RBM33: variants seen among roughly 807,000 people sequenced by gnomAD.
RBM33 encodes the protein RNA binding motif protein 33.
In RBM33, 28 loss-of-function variants were observed where a neutral mutation model predicts 132.6. The observed-to-expected ratio is 0.21, with a 90% CI of 0.16 to 0.29. The LOEUF (loss-of-function observed/expected upper bound fraction) is 0.29. RBM33 is among the 10% of genes least tolerant of loss of function. The probability of loss-of-function intolerance (pLI) is 1.00; values close to 1 mark genes in which losing one functional copy is unlikely to be tolerated. For missense variants in RBM33, 1,291 were observed against 1,518.5 expected (o/e 0.85, Z 2.49); for synonymous variants, 634 against 593.0 (o/e 1.07, Z -1.01).
chr7:155,648,467 T>C (rs146405194), intron 1 of RBM33, among the ~76,000 whole-genome samples: 1 of 152,322 alleles, frequency 6.6e-6, no homozygotes, highest in African/African-American at 2.4e-5. Flanking sequence ...TGAAGCATGG[T>C]GCAGAAGGTT....
chr7:155,749,708 G>A (rs750185450), intron 14 of RBM33, among the ~76,000 whole-genome samples: 8 of 152,206 alleles, frequency 5.3e-5, no homozygotes, highest in African/African-American at 1.7e-4. Flanking sequence ...TGAAAACGCA[G>A]CCTGGATGGT....
chr7:155,705,723 A>T (rs1450819144), intron 6 of RBM33, among the ~76,000 whole-genome samples: 1 of 152,262 alleles, frequency 6.6e-6, no homozygotes, highest in Non-Finnish European at 1.5e-5. Context: ...ATATGTGGCT[A>T]AATCATTTTC....
In RBM33 at chr7:155,719,533, G is replaced by A. The variant is rs185645211; in HGVS notation, c.1260+1090G>A. Among the ~76,000 whole-genome samples the A allele has an allele frequency of 1.8e-3, 271 of 152,208 alleles. 1 individual carries two copies. Among genetic ancestry groups the A allele is most frequent in the Middle Eastern group, 3.4e-3 (1 of 294 alleles). ...TGATTTCTTTATGTTTAGCTAATGT[G>A]TTTCTATAAGTTATTTACCAAGTTC... is the stretch of plus-strand genomic sequence containing the variant. On this transcript the variant is annotated intron_variant, in intron 9 of 17. Coordinates refer to ENST00000401878, the MANE Select transcript of RBM33 (RefSeq NM_053043.3).
chr7:155,770,474 C>T (rs779047612), intron 16 of RBM33, among the ~76,000 whole-genome samples: 1 of 152,176 alleles, frequency 6.6e-6, no homozygotes, highest in Admixed American at 6.5e-5. Flanking sequence ...GGAGTGCCTC[C>T]CCCACCCGCT....
intron 14 of RBM33, among the ~76,000 whole-genome samples, chr7:155,758,626 G>A (rs1029725697): frequency 6.6e-6 from 1 of 152,128 alleles, no homozygotes; most frequent in African/African-American, 2.4e-5. Flanking sequence ...GGGGACCCCT[G>A]CTGTATAAGG....
chr7:155,749,272 T>C (rs560629370), intron 14 of RBM33, among the ~76,000 whole-genome samples: 11 of 152,222 alleles, frequency 7.2e-5, no homozygotes, highest in Non-Finnish European at 1.2e-4. Context: ...AAATAAATTA[T>C]GTGATTTTTA....
chr7:155,759,870 T>C (rs1801977616), intron 14 of RBM33, among the ~76,000 whole-genome samples: 1 of 152,192 alleles, frequency 6.6e-6, no homozygotes, highest in Non-Finnish European at 1.5e-5. Context: ...GGCCAGAGCA[T>C]TCGTCTTGCT....
intron 1 of RBM33, among the ~76,000 whole-genome samples, chr7:155,657,356 G>A (rs149867041): frequency 6.6e-6 from 1 of 152,044 alleles, no homozygotes; most frequent in Non-Finnish European, 1.5e-5. Context: ...GAATTAGTGG[G>A]AACTTTAAAA....
At chr7:155,703,378 C>A (rs886066142) in intron 6 of RBM33, among the ~76,000 whole-genome samples, 8 of 152,026 alleles carry the variant, frequency 5.3e-5, no homozygotes, top group African/African-American at 1.7e-4. Context: ...GAGTATGAGA[C>A]CCTTAGAGGC....
chr7:155,756,790 C>T (rs1408713702), intron 14 of RBM33, among the ~76,000 whole-genome samples: 1 of 152,120 alleles, frequency 6.6e-6, no homozygotes, highest in Non-Finnish European at 1.5e-5. Flanking sequence ...TGGGCAGAAA[C>T]GTCACCAGCA....
chr7:155,733,405 T>A (rs190739342), intron 9 of RBM33, among the ~76,000 whole-genome samples: 93 of 90,094 alleles, frequency 1.0e-3, no homozygotes, highest in African/African-American at 4.6e-3. Context: ...AATATTGAAA[T>A]CCCTGATGTG....
At chr7:155,723,393 A>T (rs941935979) in intron 9 of RBM33, among the ~76,000 whole-genome samples, 5 of 152,208 alleles carry the variant, frequency 3.3e-5, no homozygotes, top group Non-Finnish European at 5.9e-5. Context: ...TAGCAGGCGA[A>T]TATAGTAGGA....
chr7:155,692,872 T>A (rs537968682), intron 5 of RBM33, among the ~76,000 whole-genome samples: 1 of 152,334 alleles, frequency 6.6e-6, no homozygotes, highest in South Asian at 2.1e-4. Context: ...AGTATTTGTT[T>A]GCAGCATTGA....
chr7:155,709,089 T>G (rs1800202282), intron 7 of RBM33, among the ~76,000 whole-genome samples: 1 of 152,154 alleles, frequency 6.6e-6, no homozygotes, highest in Non-Finnish European at 1.5e-5. Flanking sequence ...TACGAGATTT[T>G]GGATGTACTC....
At chr7:155,762,627 A>G (rs916748074) in intron 14 of RBM33, among the ~76,000 whole-genome samples, 5 of 152,082 alleles carry the variant, frequency 3.3e-5, no homozygotes, top group South Asian at 4.1e-4. Context: ...TCTTGCCCCA[A>G]TCCCATGTTC....
At chr7:155,657,301 CA>C (rs1311558980) in intron 1 of RBM33, among the ~76,000 whole-genome samples, 1 of 152,066 alleles carries the variant, frequency 6.6e-6, no homozygotes, top group Non-Finnish European at 1.5e-5. Flanking sequence ...CGCTGATGCA[CA>C]GTGTGAGATG....
chr7:155,693,920 G>A (rs1458252425), intron 5 of RBM33, among the ~76,000 whole-genome samples: 1 of 152,126 alleles, frequency 6.6e-6, no homozygotes, highest in East Asian at 1.9e-4. Flanking sequence ...TCCTCAGGGA[G>A]GAGTACCATT....
At chr7:155,651,516 G>A (rs1392051972) in intron 1 of RBM33, among the ~76,000 whole-genome samples, 2 of 142,476 alleles carry the variant, frequency 1.4e-5, no homozygotes, top group East Asian at 2.2e-4. Flanking sequence ...GGAGGTGGAG[G>A]TTGTAGTGAG....
intron 1 of RBM33, among the ~76,000 whole-genome samples, chr7:155,645,833 T>C (rs1373682747): frequency 6.6e-6 from 1 of 152,214 alleles, no homozygotes; most frequent in Non-Finnish European, 1.5e-5. Flanking sequence ...TATTTTTTAG[T>C]AAATGCTAGC....
Sources: gnomAD v4.1 joint callset for allele counts (sites outside exome capture counted in the v4.1 genomes callset) on GRCh38, gnomAD v4.1.1 for gene constraint, MANE v1.5 for transcripts, NCBI Gene and HGNC (gene_info 2026-07-23, HGNC 2026-07-21) for gene names.